The following NFRKB variants were observed in gnomAD, a reference collection of about 807,000 sequenced individuals.
NFRKB encodes nuclear factor related to kappaB binding protein, also known as nuclear factor related to kappa-B-binding protein.
In NFRKB, 62 loss-of-function variants were observed where a neutral mutation model predicts 135.7. That is an observed-to-expected ratio of 0.46 (90% CI 0.37 to 0.56). The LOEUF (loss-of-function observed/expected upper bound fraction) is 0.56. NFRKB is among the 20% of genes least tolerant of loss of function. The pLI is 0.00. For missense variants in NFRKB, 1,545 were observed against 1,662.0 expected (o/e 0.93, Z 1.22); for synonymous variants, 678 against 635.6 (o/e 1.07, Z -1.00).
In NFRKB at chr11:129,873,058, C is replaced by T. The variant is rs780631530; in HGVS notation, c.2589G>A (p.Thr863=). 16 of 1,612,834 alleles carry T rather than the reference C, an allele frequency of 9.9e-6. 1 individual carries two copies. The highest frequency in any genetic ancestry group is 1.3e-5 in the African/African-American group (1 of 74,904). ...GTCCAGGCCGCTGCACAGTGGCTGC[C>T]GTAGTCTGCGCTTTGACGGGCACAG... is the stretch of plus-strand genomic sequence containing the variant. ...MATVPVKAQT[T]AATVQRPGPG... is the part of the protein sequence containing the mutation. Residue 863 remains threonine, a synonymous_variant, in exon 23 of 27, where the codon ACG becomes ACA. Transcript: ENST00000682444.
At chr11:129,867,181 C>T (rs1415346639) in intron 24 of NFRKB, among the ~76,000 whole-genome samples, 3 of 152,150 alleles carry the variant, frequency 2.0e-5, no homozygotes, top group Non-Finnish European at 4.4e-5. Context: ...GTTGCACCTA[C>T]CCAGGTTGAT....
intron 2 of NFRKB, chr11:129,893,203 C>A: frequency 1.6e-6 from 1 of 635,150 alleles, no homozygotes; most frequent in South Asian, 1.8e-5. Context: ...ACTTCCCAGA[C>A]CAATAATCAC....
chr11:129,883,286 A>C, intron 8 of NFRKB, 80 bp from the exon 9 acceptor site: 1 of 979,776 alleles, frequency 1.0e-6, no homozygotes, highest in South Asian at 1.3e-5. Flanking sequence ...TTTATGTAAC[A>C]ATTAGATGTT....
intron 3 of NFRKB, among the ~76,000 whole-genome samples, chr11:129,889,950 A>ACGTG (rs991884590): frequency 2.4e-5 from 2 of 81,780 alleles, no homozygotes; most frequent in Non-Finnish European, 4.7e-5. Context: ...TTATTGTCTT[A>ACGTG]CGTGTGTGTG....
chr11:129,895,260 C>A (rs531929400), intron 1 of NFRKB, among the ~76,000 whole-genome samples: 8 of 152,214 alleles, frequency 5.3e-5, no homozygotes, highest in African/African-American at 1.9e-4. Context: ...CCGGTGCCAG[C>A]CCGGCTGGCC....
In NFRKB at chr11:129,885,542, G is replaced by T. The variant is rs1370200282; in HGVS notation, c.533C>A (p.Ser178Tyr). 36 of 1,613,994 alleles carry T rather than the reference G, an allele frequency of 2.2e-5. No homozygotes were observed. The Admixed American group carries it at 6.0e-4, about 27-fold the overall frequency. ...CCACTCCCGCTCCTCAGGTGTGCGG[G>T]ATGGTGAAGGGCGTTTCTGCCGGAA... ...LPFRQKRPSP[S>Y]RTPEEREWRT... The change falls in exon 6 of 27, where the codon TCC (serine) becomes TAC (tyrosine). Residue 178 changes from serine to tyrosine, a missense_variant. By Grantham distance (144) the Ser-to-Tyr change is moderately radical. Coordinates refer to ENST00000682444, the MANE Select transcript of NFRKB (RefSeq NM_001143835.2).
At chr11:129,876,678 G>C in intron 17 of NFRKB, 43 bp downstream of exon 17, 1 of 1,574,294 alleles carries the variant, frequency 6.4e-7, no homozygotes, top group Non-Finnish European at 8.7e-7. Flanking sequence ...AAAAGCTGCG[G>C]GGTGAAGAAA....
chr11:129,877,493 A>G (rs1417416009), intron 15 of NFRKB, 108 bp from the exon 16 acceptor site: 1 of 1,017,046 alleles, frequency 9.8e-7, no homozygotes, highest in African/African-American at 1.6e-5. Context: ...ATGTCCCTCA[A>G]GAAGCACTCA....
chr11:129,873,634 A>G, intron 22 of NFRKB, 111 bp downstream of exon 22: 1 of 1,396,358 alleles, frequency 7.2e-7, no homozygotes, highest in Admixed American at 2.0e-5. Context: ...CATCACCAGT[A>G]GCAATAATCT....
At position 129,885,496 on chromosome 11, in the gene NFRKB, C is replaced by G; in HGVS notation, c.579G>C (p.Leu193Phe). The change falls in exon 6 of 27, where the codon TTG becomes TTC. Residue 193 changes from leucine to phenylalanine, a missense_variant. Physicochemically the swap from Leu to Phe is conservative, Grantham distance 22. Transcript: ENST00000682444. ...CCTCTTTCACTTCCCTTAAGACCTT[C>G]AAGTAGCGCTGCTGGGTCCGCCACT... ...EREWRTQQRY[L>F]KVLREVKEEC... 6.2e-7 allele frequency: 1 copy of G among 1,614,158 alleles called. No individual in the cohort carries two copies. Among genetic ancestry groups the G allele is most frequent in the Admixed American group, 1.7e-5 (1 of 60,022 alleles).
chr11:129,866,531 T>C (rs1948201222), intron 24 of NFRKB, among the ~76,000 whole-genome samples: 1 of 151,278 alleles, frequency 6.6e-6, no homozygotes, highest in Non-Finnish European at 1.5e-5. Flanking sequence ...CTCCGGTGCT[T>C]TCCATTTCTC....
chr11:129,867,749 G>T (rs1197492105), intron 24 of NFRKB, among the ~76,000 whole-genome samples: 3 of 152,300 alleles, frequency 2.0e-5, no homozygotes, highest in Non-Finnish European at 4.4e-5. Flanking sequence ...AGCTTGCTCA[G>T]TAAAGCGAAA....
In NFRKB at chr11:129,865,981, CCCCT is replaced by C; in HGVS notation, c.3532-2_3533del. The stretch of plus-strand genomic sequence containing the variant: ...GAACTGTGATCCGTGTAGGCAACTT[CCCCT>C]AGAAAAAAAAAGCAGTCAGGTTTTG... On this transcript the variant is annotated splice_acceptor_variant and coding_sequence_variant, in exon 25 of 27. Coordinates refer to ENST00000682444, the MANE Select transcript of NFRKB (RefSeq NM_001143835.2). LOFTEE classifies it high-confidence loss of function. 1.3e-6 allele frequency: 2 copies of C among 1,577,842 alleles called. No individual in the cohort carries two copies. Among genetic ancestry groups the C allele is most frequent in the Admixed American group, 3.8e-5 (2 of 53,048 alleles).
rs541236602 is a variant in NFRKB at position 129,881,646 on chromosome 11, C to T, written c.1318+81G>A. ...TTATGCAAAGGCATGATGGATTACACGAGCAAAGCTGCAGTTTATTCTAAT... is the reference window on the plus strand; with the variant it reads ...TTATGCAAAGGCATGATGGATTACATGAGCAAAGCTGCAGTTTATTCTAAT... On this transcript the variant is annotated intron_variant, in intron 12 of 26. Transcript: ENST00000682444. 348 of 1,586,162 alleles carry T rather than the reference C, an allele frequency of 2.2e-4. 1 individual carries two copies. Among genetic ancestry groups the T allele is most frequent in the Middle Eastern group, 1.3e-3 (8 of 6,040 alleles).
At chr11:129,877,428 G>T in intron 15 of NFRKB, 43 bp from the exon 16 acceptor site, 1 of 1,570,056 alleles carries the variant, frequency 6.4e-7, no homozygotes. Context: ...CAGCTGGCAC[G>T]TGTGTCAGAC....
chr11:129,872,989 G>A lies in NFRKB; in HGVS notation c.2658C>T (p.Ala886=), dbSNP rs772683962. 2 of 1,614,252 alleles carry A rather than the reference G, an allele frequency of 1.2e-6. No homozygotes were observed. The highest frequency in any genetic ancestry group is 1.7e-6 in the Non-Finnish European group (2 of 1,180,052). ...TCGTGGCTGGCTTACTCACAGGGCT[G>A]GCTGTGGCAGGGAGACTTGTCACCG... The part of the protein sequence containing the change: ...GLTVTSLPAT[A]SPVSKPATSS... Residue 886 remains alanine (A), a synonymous_variant, in exon 23 of 27, where the codon GCC becomes GCT. Transcript: ENST00000682444.
At chr11:129,881,669 A>C (rs936866837) in intron 12 of NFRKB, 58 bp downstream of exon 12, 132 of 1,596,168 alleles carry the variant, frequency 8.3e-5, no homozygotes, top group Non-Finnish European at 1.1e-4. Flanking sequence ...AGTTTATTCT[A>C]ATAATTAATT....
At chr11:129,892,959 T>C in intron 2 of NFRKB, 89 bp from the exon 3 acceptor site, 2 of 1,591,914 alleles carry the variant, frequency 1.3e-6, no homozygotes, top group Non-Finnish European at 1.7e-6. Context: ...ACATTCAACC[T>C]CCAGCCAGTT....
At position 129,874,061 on chromosome 11, in the gene NFRKB, T is replaced by C. The variant is rs747081417; in HGVS notation, c.2280-46A>G. 6.3e-7 allele frequency: 1 copy of C among 1,597,444 alleles called. No homozygotes were observed. ...AGACAAAAAACAAAAACTTAGGACA[T>C]GCATACAAAAGAACTCTAGAACGAA... On this transcript the variant is annotated intron_variant, in intron 21 of 26. Coordinates refer to ENST00000682444, the MANE Select transcript of NFRKB (RefSeq NM_001143835.2). The surrounding 1 kb of genome is among the most constrained non-coding windows in gnomAD (Gnocchi z 4.5).
Sources: gnomAD v4.1 joint callset for allele counts (sites outside exome capture counted in the v4.1 genomes callset) on GRCh38, gnomAD v4.1.1 for gene constraint, Gnocchi (gnomAD v3.1) non-coding constraint, MANE v1.5 for transcripts, NCBI Gene and HGNC (gene_info 2026-07-23, HGNC 2026-07-21) for gene names.